RTKN2: variants seen among roughly 807,000 people sequenced by gnomAD.
RTKN2 encodes rhotekin 2.
In RTKN2, 69 loss-of-function variants were observed where a neutral mutation model predicts 71.5. The ratio of observed to expected loss-of-function variants is 0.96; its 90% CI spans 0.79 to 1.18. The LOEUF (loss-of-function observed/expected upper bound fraction) is 1.18, where lower values mean the gene tolerates loss of function less well. Ranked by LOEUF, RTKN2 falls within the 50% of genes most tolerant of loss-of-function variation. The pLI, the probability that RTKN2 is intolerant of heterozygous loss-of-function variation, is 0.00. For synonymous variants in RTKN2, 236 were observed against 236.5 expected, an observed-to-expected ratio of 1.00 and a Z score of 0.02; for missense variants, 724 against 719.7, an observed-to-expected ratio of 1.01 and a Z score of -0.07.
chr10:62,239,968 C>CA (rs1252562526), intron 4 of RTKN2, among the ~76,000 whole-genome samples: 1 of 151,850 alleles, frequency 6.6e-6, no homozygotes, highest in Non-Finnish European at 1.5e-5. Flanking sequence ...AACAAGGAAG[C>CA]AAAAAATAAA....
At chr10:62,190,477 C>T (rs775296017), downstream of RTKN2, among the ~76,000 whole-genome samples, 3 of 151,952 alleles carry the variant, frequency 2.0e-5, no homozygotes, top group East Asian at 1.9e-4. Context: ...CTGCTTTGGC[C>T]GAATTAGGAG....
At position 62,261,423 on chromosome 10, in the gene RTKN2, C is replaced by T. The variant is rs147448527; in HGVS notation, c.257+1202G>A. On this transcript the variant is annotated intron_variant, in intron 2 of 11. Coordinates refer to ENST00000373789, the MANE Select transcript of RTKN2 (RefSeq NM_145307.4). ...CTGGGAGGCCGAGGTGGCCAAATCA[C>T]GAGGTCAGGAGATTGAAACCATCCT... Among the ~76,000 whole-genome samples, 651 of 152,092 alleles carry T rather than the reference C, an allele frequency of 4.3e-3. 6 individuals carry two copies. Among genetic ancestry groups the T allele is most frequent in the African/African-American group, 0.014 (564 of 41,494 alleles).
chr10:62,207,017 C>T (rs140573654), intron 9 of RTKN2, among the ~76,000 whole-genome samples: 14 of 151,912 alleles, frequency 9.2e-5, no homozygotes, highest in African/African-American at 3.1e-4. Context: ...TATTGTGTTA[C>T]AAAATAAAAT....
At chr10:62,184,722 G>A (rs963483643) in intron 8 of RTKN2, among the ~76,000 whole-genome samples, 2 of 152,258 alleles carry the variant, frequency 1.3e-5, no homozygotes, top group African/African-American at 4.8e-5. Flanking sequence ...AATAAGTACT[G>A]CAGTTATGAA....
At position 62,252,593 on chromosome 10, in the gene RTKN2, T is replaced by C. The variant is rs547378446; in HGVS notation, c.258-6536A>G. On this transcript the variant is annotated intron_variant, in intron 2 of 11. Transcript: ENST00000373789. ...GTAAATATTATCCATTCCACCAAAG[T>C]AGAAATAACACAACTTGAAAAAAAA... Among the ~76,000 whole-genome samples, 3 of 151,350 alleles carry C rather than the reference T, an allele frequency of 2.0e-5. No individual in the cohort carries two copies. The East Asian group carries it at 5.8e-4, about 29-fold the overall frequency.
Position 62,194,973 on chromosome 10 carries a change from C to G in RTKN2, c.*2935G>C. On this transcript the variant is annotated 3_prime_UTR_variant, in exon 12 of 12. Coordinates refer to ENST00000373789, the MANE Select transcript of RTKN2 (RefSeq NM_145307.4). ...TAACAAAACTCAGCAAGAGTTGGCA[C>G]GCCTGATATTTTTGAAAGACTATTT... 1.0e-6 allele frequency: 1 copy of G among 985,272 alleles called. No homozygotes were observed. The highest frequency in any genetic ancestry group is 1.2e-6 in the Non-Finnish European group (1 of 829,882). 61.0% of individuals were successfully genotyped at this position (985,272 alleles called of 1,614,324 possible).
chr10:62,242,220 A>G (rs1842390849), intron 3 of RTKN2, among the ~76,000 whole-genome samples: 1 of 151,956 alleles, frequency 6.6e-6, no homozygotes, highest in Non-Finnish European at 1.5e-5. Context: ...TCTTTTTTGA[A>G]AACACCTTAC....
At chr10:62,243,139 C>A (rs1471795540) in intron 3 of RTKN2, among the ~76,000 whole-genome samples, 1 of 113,682 alleles carries the variant, frequency 8.8e-6, no homozygotes, top group Non-Finnish European at 1.7e-5. Flanking sequence ...CCCCCTCCCC[C>A]CACCCCACAA....
chr10:62,207,344 G>T (rs2132838653), intron 9 of RTKN2, among the ~76,000 whole-genome samples: 1 of 152,076 alleles, frequency 6.6e-6, no homozygotes, highest in African/African-American at 2.4e-5. Context: ...AAACATCAGA[G>T]GTTTCTGAAA....
In RTKN2 at chr10:62,195,755, A is replaced by G; in HGVS notation, c.*2153T>C. The stretch of plus-strand genomic sequence containing the variant: ...AGCTGAAGACACCAGACCCATTTCA[A>G]AGACTTGTAACATACAGTAAGCTGG... On this transcript the variant is annotated 3_prime_UTR_variant, in exon 12 of 12. Transcript: ENST00000373789. The G allele has an allele frequency of 1.0e-6, 1 of 985,370 alleles. No homozygotes were observed. Among genetic ancestry groups the G allele is most frequent in the Middle Eastern group, 5.2e-4 (1 of 1,914 alleles). 61.0% of individuals were successfully genotyped at this position (985,370 alleles called of 1,614,324 possible).
At chr10:62,248,678 AT>A (rs1376359313) in intron 2 of RTKN2, among the ~76,000 whole-genome samples, 2 of 152,174 alleles carry the variant, frequency 1.3e-5, no homozygotes, top group Admixed American at 6.5e-5. Context: ...TATTACTTAT[AT>A]TTCTGCCTGT....
chr10:62,255,044 T>C (rs1485020998), intron 2 of RTKN2, among the ~76,000 whole-genome samples: 2 of 152,104 alleles, frequency 1.3e-5, no homozygotes, highest in Admixed American at 6.6e-5. Context: ...TGTAGAACCT[T>C]AGTGGTAGGT....
intron 7 of RTKN2, among the ~76,000 whole-genome samples, chr10:62,221,507 C>A (rs906593536): frequency 6.6e-6 from 1 of 151,914 alleles, no homozygotes; most frequent in East Asian, 1.9e-4. Context: ...AAATTAAAAT[C>A]CAATATAATG....
chr10:62,236,705 C>T (rs147135320), intron 5 of RTKN2, among the ~76,000 whole-genome samples: 1 of 152,028 alleles, frequency 6.6e-6, no homozygotes, highest in African/African-American at 2.4e-5. Context: ...TTCACAATCG[C>T]CAAGGTATGT....
At position 62,196,702 on chromosome 10, in the gene RTKN2, G is replaced by C; in HGVS notation, c.*1206C>G. 1.0e-6 allele frequency: 1 copy of C among 985,028 alleles called. No individual in the cohort carries two copies. Among genetic ancestry groups the C allele is most frequent in the Non-Finnish European group, 1.2e-6 (1 of 829,572 alleles). The allele number at this position is 985,028 out of a possible 1,614,324, so 61.0% of individuals were successfully genotyped here. A position where few individuals can be genotyped will look rare whatever the true frequency, so the allele number is the denominator to read the frequency against. ...TGACATTTAGGGTTCAGTGTGATTT[G>C]AGATTTTTAGTGCTGTTGCTGACAC... On this transcript the variant is annotated 3_prime_UTR_variant, in exon 12 of 12. Transcript: ENST00000373789.
At chr10:62,235,053 C>T (rs1459541539) in intron 6 of RTKN2, among the ~76,000 whole-genome samples, 1 of 151,926 alleles carries the variant, frequency 6.6e-6, no homozygotes, top group Non-Finnish European at 1.5e-5. Context: ...AAAAAGACCA[C>T]AAAGATGCAA....
chr10:62,252,822 A>G lies in RTKN2; in HGVS notation c.258-6765T>C, dbSNP rs149209235. ...GGAGCTAAGGGAAATACATAAAAAA[A>G]CTTATAAGAACTAAGGGCATTATAT... On this transcript the variant is annotated intron_variant, in intron 2 of 11. Transcript: ENST00000373789. Among the ~76,000 whole-genome samples, 1,312 of 152,132 alleles carry G rather than the reference A, an allele frequency of 8.6e-3. 16 individuals are homozygous for G. The highest frequency in any genetic ancestry group is 0.013 in the Non-Finnish European group (904 of 67,918).
chr10:62,219,872 T>C (rs1470660862), intron 7 of RTKN2, among the ~76,000 whole-genome samples: 1 of 152,186 alleles, frequency 6.6e-6, no homozygotes, highest in African/African-American at 2.4e-5. Flanking sequence ...AACATTAAGA[T>C]AGTCCTTTAA....
At chr10:62,214,740 C>T (rs1841731538) in intron 9 of RTKN2, among the ~76,000 whole-genome samples, 1 of 152,060 alleles carries the variant, frequency 6.6e-6, no homozygotes, top group African/African-American at 2.4e-5. Context: ...ATGCTCAGAA[C>T]CTCATTTTAT....
Sources: allele counts gnomAD v4.1 joint callset (sites outside exome capture counted in the v4.1 genomes callset), GRCh38; gene constraint gnomAD v4.1.1; transcripts MANE v1.5; gene names NCBI Gene and HGNC (gene_info 2026-07-23, HGNC 2026-07-21).